AGBL1: variants seen among roughly 807,000 people sequenced by gnomAD.
The protein encoded by AGBL1 is AGBL carboxypeptidase 1.
In AGBL1, 130 loss-of-function variants were observed where a neutral mutation model predicts 118.9. The ratio of observed to expected loss-of-function variants is 1.09; its 90% CI spans 0.95 to 1.26. The LOEUF (loss-of-function observed/expected upper bound fraction) is 1.26. Ranked by LOEUF, AGBL1 falls within the 50% of genes most tolerant of loss-of-function variation. The pLI, the probability that AGBL1 is intolerant of heterozygous loss-of-function variation, is 0.00. For synonymous variants in AGBL1, 555 were observed against 478.9 expected (o/e 1.16, Z -2.08); for missense variants, 1,584 against 1,298.1 (o/e 1.22, Z -3.38).
chr15:86,490,080 C>T (rs964935986), intron 18 of AGBL1, among the ~76,000 whole-genome samples: 2 of 152,076 alleles, frequency 1.3e-5, no homozygotes, highest in African/African-American at 4.8e-5. Context: ...ACATAAAGTG[C>T]TTCGGAGGGC....
intron 7 of AGBL1, 70 bp from the exon 8 acceptor site, chr15:86,256,783 T>A (rs1014779459): frequency 2.5e-5 from 37 of 1,495,402 alleles, no homozygotes; most frequent in Non-Finnish European, 3.4e-5. Context: ...TGGAGAGTGT[T>A]ATTAGCTGTG....
intron 24 of AGBL1, among the ~76,000 whole-genome samples, chr15:86,994,246 A>G (rs773856351): frequency 2.4e-4 from 36 of 152,154 alleles, no homozygotes; most frequent in Admixed American, 6.5e-4. Flanking sequence ...CTCAGAAATC[A>G]GAGCACTGAT....
intron 22 of AGBL1, among the ~76,000 whole-genome samples, chr15:86,889,607 T>C (rs1438903812): frequency 2.0e-5 from 3 of 152,186 alleles, no homozygotes; most frequent in Admixed American, 2.0e-4. Context: ...CCATGTGTTC[T>C]CATTGTTCAG....
chr15:86,233,097 A>G (rs2078482614), intron 6 of AGBL1, among the ~76,000 whole-genome samples: 2 of 152,202 alleles, frequency 1.3e-5, no homozygotes, highest in Non-Finnish European at 2.9e-5. Context: ...AAGATCCCAC[A>G]CATGGTAAAC....
rs968109397 is a variant in AGBL1, at chr15:86,745,535, A to G, written c.3158+71099A>G. ...GTCTTTTTCTGGACCTTATGTAGGA[A>G]CCAGTTTTTTGGACCAAAATCTTGG... On this transcript the variant is annotated intron_variant, in intron 22 of 22. Coordinates refer to ENST00000614907, the MANE Select transcript of AGBL1 (RefSeq NM_001386094.1). 7.2e-5 allele frequency among the ~76,000 whole-genome samples: 11 copies of G among 151,940 alleles called. No individual in the cohort carries two copies. In the South Asian group the frequency reaches 2.3e-3, roughly 32 times the overall value.
chr15:86,869,588 C>T (rs569487697), intron 22 of AGBL1, among the ~76,000 whole-genome samples: 14 of 119,632 alleles, frequency 1.2e-4, no homozygotes, highest in South Asian at 2.6e-4. Context: ...CCTGTAGATC[C>T]GATATGTGGA....
intron 4 of AGBL1, among the ~76,000 whole-genome samples, chr15:86,158,157 A>G (rs1157464763): frequency 6.6e-6 from 1 of 152,200 alleles, no homozygotes; most frequent in Non-Finnish European, 1.5e-5. Flanking sequence ...GGAGGGACAT[A>G]TGCATGGACG....
At chr15:86,963,282 C>T (rs956907683) in intron 23 of AGBL1, among the ~76,000 whole-genome samples, 2 of 152,054 alleles carry the variant, frequency 1.3e-5, no homozygotes, top group African/African-American at 2.4e-5. Context: ...TACATTGACA[C>T]GTAGTATACA....
chr15:86,645,038 AAAAAAC>A (rs886463508), intron 21 of AGBL1, among the ~76,000 whole-genome samples: 3 of 152,006 alleles, frequency 2.0e-5, no homozygotes, highest in East Asian at 1.9e-4. Flanking sequence ...ACAAACAAAC[AAAAAAC>A]AAAAACAAAA....
chr15:86,658,092 T>C (rs2085489114), intron 21 of AGBL1, among the ~76,000 whole-genome samples: 1 of 152,096 alleles, frequency 6.6e-6, no homozygotes, highest in Admixed American at 6.6e-5. Context: ...TATATATTCA[T>C]GTATTTATGT....
chr15:86,430,288 A>G (rs763757506), intron 18 of AGBL1, among the ~76,000 whole-genome samples: 7 of 152,136 alleles, frequency 4.6e-5, no homozygotes, highest in South Asian at 2.1e-4. Context: ...CGAGGTCAGG[A>G]GATCGAGACC....
intron 3 of AGBL1, among the ~76,000 whole-genome samples, chr15:86,144,845 A>C (rs1035264541): frequency 3.9e-5 from 6 of 152,192 alleles, no homozygotes; most frequent in African/African-American, 1.4e-4. Flanking sequence ...TCTATAATAT[A>C]AGTGTCCTAG....
At chr15:86,536,871 G>T (rs1248897997) in intron 19 of AGBL1, among the ~76,000 whole-genome samples, 1 of 152,176 alleles carries the variant, frequency 6.6e-6, no homozygotes, top group Non-Finnish European at 1.5e-5. Context: ...GCTGCTCTCC[G>T]TGAAGGCCAG....
chr15:86,173,715 G>C (rs1215543944), intron 5 of AGBL1, among the ~76,000 whole-genome samples: 1 of 151,970 alleles, frequency 6.6e-6, no homozygotes, highest in Non-Finnish European at 1.5e-5. Context: ...TTCCCCAAAG[G>C]ATGTTGTTGG....
At chr15:86,984,298 G>A (rs1040605356) in intron 23 of AGBL1, among the ~76,000 whole-genome samples, 10 of 151,288 alleles carry the variant, frequency 6.6e-5, no homozygotes, top group African/African-American at 2.4e-4. Flanking sequence ...GATCTTCTTG[G>A]AAATGTGTCT....
intron 21 of AGBL1, among the ~76,000 whole-genome samples, chr15:86,588,326 G>A (rs1017401116): frequency 6.6e-6 from 1 of 152,126 alleles, no homozygotes; most frequent in African/African-American, 2.4e-5. Context: ...TTACACAGTT[G>A]ATCTCCTCCA....
At chr15:87,012,703 G>GA in intron 24 of AGBL1, among the ~76,000 whole-genome samples, 1 of 151,924 alleles carries the variant, frequency 6.6e-6, no homozygotes, top group Non-Finnish European at 1.5e-5. Flanking sequence ...TAGTCAATAC[G>GA]AAAAAAATTA....
At chr15:86,219,861 A>G (rs1284173149) in intron 5 of AGBL1, among the ~76,000 whole-genome samples, 1 of 151,594 alleles carries the variant, frequency 6.6e-6, no homozygotes, top group African/African-American at 2.4e-5. Context: ...GATTCTTTCT[A>G]GAATTATGTT....
At chr15:86,463,246 G>A (rs1474643942) in intron 18 of AGBL1, among the ~76,000 whole-genome samples, 1 of 150,954 alleles carries the variant, frequency 6.6e-6, no homozygotes, top group Non-Finnish European at 1.5e-5. Context: ...ATTTTGAGAA[G>A]TGTCTGTTCA....
Sources: gnomAD v4.1 joint callset for allele counts (sites outside exome capture counted in the v4.1 genomes callset) on GRCh38, gnomAD v4.1.1 for gene constraint, MANE v1.5 for transcripts, NCBI Gene and HGNC (gene_info 2026-07-23, HGNC 2026-07-21) for gene names.